The following FRMD3 variants were observed in gnomAD, a reference collection of about 807,000 sequenced individuals.
FRMD3 encodes the protein FERM domain-containing protein 3.
A neutral mutation model predicts 70.2 loss-of-function variants in FRMD3; 33 were observed. The ratio of observed to expected loss-of-function variants is 0.47; its 90% confidence interval spans 0.36 to 0.63. FRMD3 has a LOEUF of 0.63. Among genes scored for constraint, FRMD3 ranks in the 20% least tolerant of loss-of-function variants. FRMD3 has a pLI of 0.00. For missense variants in FRMD3, 632 were observed against 711.4 expected (o/e 0.89, Z 1.27); for synonymous variants, 279 against 255.9 (o/e 1.09, Z -0.86).
chr9:83,465,243 G>A (rs543166532), intron 1 of FRMD3, among the ~76,000 whole-genome samples: 6 of 152,206 alleles, frequency 3.9e-5, no homozygotes, highest in East Asian at 1.9e-4. Flanking sequence ...CCAGGAGTGC[G>A]CAGCAAGTCC....
At chr9:83,364,319 G>A (rs1351024968) in intron 3 of FRMD3, among the ~76,000 whole-genome samples, 1 of 152,212 alleles carries the variant, frequency 6.6e-6, no homozygotes, top group Non-Finnish European at 1.5e-5. Context: ...AGCACTCTGG[G>A]AGACTGAGGC....
At chr9:83,349,519 A>C (rs776441548) in intron 4 of FRMD3, among the ~76,000 whole-genome samples, 160 bp downstream of exon 4, 1 of 152,170 alleles carries the variant, frequency 6.6e-6, no homozygotes, top group African/African-American at 2.4e-5. Flanking sequence ...ATCCCAAAAC[A>C]ATTCAGTGTA....
intron 2 of FRMD3, among the ~76,000 whole-genome samples, chr9:83,385,677 T>C (rs1333563828): frequency 6.6e-6 from 1 of 152,180 alleles, no homozygotes; most frequent in East Asian, 1.9e-4. Context: ...TCTCATTTAA[T>C]TAGCTTTCTA....
At chr9:83,269,851 G>A (rs1164681845) in intron 13 of FRMD3, among the ~76,000 whole-genome samples, 1 of 151,804 alleles carries the variant, frequency 6.6e-6, no homozygotes, top group Non-Finnish European at 1.5e-5. Context: ...CACTCTTTAC[G>A]CTACTTTTCA....
At chr9:83,388,942 C>CTTT (rs554000690) in intron 2 of FRMD3, among the ~76,000 whole-genome samples, 1,611 of 117,106 alleles carry the variant, frequency 0.014, 107 homozygotes, top group African/African-American at 0.055. Context: ...CTACCAATAG[C>CTTT]TTTTTTTTTT....
chr9:83,343,967 G>C (rs1587747641), intron 4 of FRMD3, among the ~76,000 whole-genome samples: 2 of 152,236 alleles, frequency 1.3e-5, no homozygotes, highest in East Asian at 1.9e-4. Context: ...CCCTAGAAAG[G>C]GGGCAGCCAC....
At chr9:83,531,422 T>C (rs1046283682) in intron 1 of FRMD3, among the ~76,000 whole-genome samples, 5 of 152,182 alleles carry the variant, frequency 3.3e-5, no homozygotes, top group African/African-American at 9.7e-5. Flanking sequence ...TAGCAGACCA[T>C]TGGAATAACA....
At chr9:83,366,008 C>T (rs1156424637) in intron 3 of FRMD3, among the ~76,000 whole-genome samples, 1 of 152,054 alleles carries the variant, frequency 6.6e-6, no homozygotes, top group Non-Finnish European at 1.5e-5. Flanking sequence ...GGACCAGTTT[C>T]GTCCAGACAG....
chr9:83,305,672 A>G (rs1340341710), intron 10 of FRMD3, among the ~76,000 whole-genome samples: 1 of 152,240 alleles, frequency 6.6e-6, no homozygotes, highest in Non-Finnish European at 1.5e-5. Flanking sequence ...AACAAGTGAT[A>G]CTTCCCCTCC....
chr9:83,554,976 C>A, the FRMD3 span, among the ~76,000 whole-genome samples: 3 of 152,214 alleles, frequency 2.0e-5, no homozygotes, highest in Admixed American at 6.5e-5. Context: ...AGATAGCAGG[C>A]AGCCTGTCCC....
intron 6 of FRMD3, among the ~76,000 whole-genome samples, chr9:83,333,367 C>A (rs1009356976): frequency 2.6e-5 from 4 of 152,202 alleles, no homozygotes; most frequent in African/African-American, 9.7e-5. Flanking sequence ...ACAGAACTTA[C>A]TTCCAAGATT....
At chr9:83,415,808 T>A (rs541962569) in intron 1 of FRMD3, among the ~76,000 whole-genome samples, 1 of 151,932 alleles carries the variant, frequency 6.6e-6, no homozygotes, top group East Asian at 1.9e-4. Context: ...TATATGTAAT[T>A]TGTGAAGCAG....
intron 1 of FRMD3, among the ~76,000 whole-genome samples, chr9:83,531,388 T>C (rs1191697080): frequency 6.6e-6 from 1 of 152,228 alleles, no homozygotes; most frequent in African/African-American, 2.4e-5. Context: ...GCCTTTGCTT[T>C]GAAAATATCA....
intron 1 of FRMD3, among the ~76,000 whole-genome samples, chr9:83,536,061 T>G (rs1564120741): frequency 6.6e-6 from 1 of 152,200 alleles, no homozygotes; most frequent in South Asian, 2.1e-4. Flanking sequence ...CCAAATAAAA[T>G]ATTTTAATTT....
intron 1 of FRMD3, among the ~76,000 whole-genome samples, chr9:83,504,020 C>T (rs1829129625): frequency 6.6e-6 from 1 of 152,170 alleles, no homozygotes; most frequent in Non-Finnish European, 1.5e-5. Flanking sequence ...AGAGAATACA[C>T]TCCGCATCCT....
At chr9:83,297,243 A>G (rs1478093935) in intron 12 of FRMD3, among the ~76,000 whole-genome samples, 1 of 152,194 alleles carries the variant, frequency 6.6e-6, no homozygotes, top group Admixed American at 6.5e-5. Context: ...GGTATTTAAG[A>G]TCAAATATTT....
intron 2 of FRMD3, among the ~76,000 whole-genome samples, chr9:83,384,281 C>G (rs1299005622): frequency 6.6e-6 from 1 of 152,180 alleles, no homozygotes; most frequent in African/African-American, 2.4e-5. Flanking sequence ...TGCCCTAAAT[C>G]TTAGGTACCA....
intron 4 of FRMD3, among the ~76,000 whole-genome samples, chr9:83,345,116 C>T (rs1823911541): frequency 6.6e-6 from 1 of 152,154 alleles, no homozygotes; most frequent in Non-Finnish European, 1.5e-5. Flanking sequence ...ATCAGTGGCT[C>T]ACTGATGTTT....
intron 1 of FRMD3, among the ~76,000 whole-genome samples, chr9:83,439,067 G>A (rs1446448145): frequency 4.6e-5 from 7 of 152,208 alleles, no homozygotes; most frequent in Admixed American, 4.6e-4. Flanking sequence ...ACCTGGACAT[G>A]CCTATTCTGA....
Sources: allele counts gnomAD v4.1 joint callset (sites outside exome capture counted in the v4.1 genomes callset), GRCh38; gene constraint gnomAD v4.1.1; transcripts MANE v1.5; gene names NCBI Gene and HGNC (gene_info 2026-07-23, HGNC 2026-07-21).